The following FAM47E variants were observed in gnomAD, a reference collection of about 807,000 sequenced individuals.
FAM47E encodes protein FAM47E.
FAM47E carries 32 observed loss-of-function variants against 41.6 expected under a neutral mutation model. The observed-to-expected ratio is 0.77, with a 90% CI of 0.58 to 1.03. FAM47E has a LOEUF of 1.03. FAM47E is among the 50% of genes least tolerant of loss of function. FAM47E has a pLI of 0.00. For missense variants in FAM47E, 424 were observed against 485.4 expected (o/e 0.87, Z 1.19); for synonymous variants, 184 against 188.7 (o/e 0.98, Z 0.20).
At chr4:76,223,994 A>C (rs1733352063) in intron 2 of FAM47E, among the ~76,000 whole-genome samples, 1 of 152,212 alleles carries the variant, frequency 6.6e-6, no homozygotes, top group Admixed American at 6.5e-5. Context: ...GAATGTAATT[A>C]AAAATAAAAT....
upstream of FAM47E, among the ~76,000 whole-genome samples, chr4:76,250,772 A>G (rs76485048): frequency 0.059 from 9,038 of 152,288 alleles, 290 homozygotes; most frequent in Middle Eastern, 0.088. Flanking sequence ...AGCTTTCTCC[A>G]TTAACTAACT....
intron 2 of FAM47E, among the ~76,000 whole-genome samples, chr4:76,245,392 G>C (rs1170079788): frequency 6.6e-6 from 1 of 152,128 alleles, no homozygotes; most frequent in Non-Finnish European, 1.5e-5. Context: ...TTGGAACCAA[G>C]AGTTTGAGTC....
intron 2 of FAM47E, among the ~76,000 whole-genome samples, chr4:76,261,085 A>G (rs1413496998): frequency 6.6e-6 from 1 of 152,150 alleles, no homozygotes; most frequent in Non-Finnish European, 1.5e-5. Flanking sequence ...ATCAGTAATC[A>G]TCAGAGAAAA....
chr4:76,228,541 T>C (rs1158145830), intron 2 of FAM47E, among the ~76,000 whole-genome samples: 1 of 152,140 alleles, frequency 6.6e-6, no homozygotes, highest in African/African-American at 2.4e-5. Context: ...CTTGTAGTGC[T>C]GGCTTGTGGC....
chr4:76,278,224 G>C lies in FAM47E; in HGVS notation c.1026G>C (p.Gln342His), dbSNP rs1243997777. The C allele has an allele frequency of 6.5e-7, 1 of 1,533,362 alleles. No homozygotes were observed. Among genetic ancestry groups the C allele is most frequent in the Admixed American group, 2.2e-5 (1 of 46,054 alleles). The allele number at this position is 1,533,362 out of a possible 1,614,324, so 95.0% of individuals were successfully genotyped here. Residue 342 changes from glutamine (Q) to histidine (H), a missense_variant and splice_region_variant, in exon 6 of 8, where the codon CAG becomes CAC. By Grantham distance (24) the Gln-to-His change is conservative. Transcript: ENST00000424749. ...EENFKKELQEQEELLADLHGT... is the reference protein window; with the variant it reads ...EENFKKELQEHEELLADLHGT... Reference sequence around the variant, plus strand: ...ATTTTAAAAAGGAGCTGCAGGAACAGGTATGTATTTATACTGAGATTTGAT... The same window carrying C: ...ATTTTAAAAAGGAGCTGCAGGAACACGTATGTATTTATACTGAGATTTGAT...
intron 2 of FAM47E, among the ~76,000 whole-genome samples, chr4:76,232,939 T>C (rs1368528316): frequency 1.3e-5 from 2 of 152,242 alleles, no homozygotes; most frequent in Non-Finnish European, 2.9e-5. Flanking sequence ...TTAGTTAACA[T>C]GGTCACAGAG....
intron 7 of FAM47E, chr4:76,281,144 C>T (rs1473513657): frequency 6.6e-6 from 1 of 152,238 alleles, no homozygotes. Flanking sequence ...GTGCACGTAC[C>T]TTGGGGTCTT....
intron 2 of FAM47E, among the ~76,000 whole-genome samples, chr4:76,231,918 C>T (rs1227632198): frequency 6.6e-6 from 1 of 152,198 alleles, no homozygotes; most frequent in Non-Finnish European, 1.5e-5. Context: ...AGATTGACTC[C>T]TTAAAGGAAA....
chr4:76,262,912 C>T (rs1161467489), intron 2 of FAM47E, among the ~76,000 whole-genome samples: 1 of 152,056 alleles, frequency 6.6e-6, no homozygotes. Context: ...CAGGAGGGCA[C>T]CACCATGCCT....
At position 76,278,050 on chromosome 4, in the gene FAM47E, A is replaced by C; in HGVS notation, c.871-19A>C. 3 of 1,468,936 alleles carry C rather than the reference A, an allele frequency of 2.0e-6. No homozygotes were observed. Among genetic ancestry groups the C allele is most frequent in the Non-Finnish European group, 2.7e-6 (3 of 1,111,900 alleles). 91.0% of individuals were successfully genotyped at this position (1,468,936 alleles called of 1,614,324 possible). ...AAACAAAAAATCAATGGCACTGGGA[A>C]TTATGTTACTTTCCACAGAATCCTT... On this transcript the variant is annotated intron_variant, in intron 5 of 7. Transcript: ENST00000424749.
intron 3 of FAM47E, among the ~76,000 whole-genome samples, chr4:76,265,590 G>A (rs1734597680): frequency 7.3e-6 from 1 of 136,734 alleles, no homozygotes; most frequent in East Asian, 2.0e-4. Context: ...GATTTCCTGA[G>A]TGACAGGAAT....
chr4:76,215,811 C>A (rs1733196449), intron 1 of FAM47E, among the ~76,000 whole-genome samples: 1 of 152,132 alleles, frequency 6.6e-6, no homozygotes, highest in South Asian at 2.1e-4. Context: ...CCAGCTGTCC[C>A]TAGCCTTTTG....
chr4:76,280,389 T>C, intron 7 of FAM47E, 48 bp downstream of exon 7: 1 of 1,106,376 alleles, frequency 9.0e-7, no homozygotes, highest in Middle Eastern at 2.0e-4. Context: ...GCTTCATGGC[T>C]CACAGTTGTT....
At chr4:76,271,288 T>A (rs1184327923) in intron 4 of FAM47E, among the ~76,000 whole-genome samples, 1 of 152,204 alleles carries the variant, frequency 6.6e-6, no homozygotes, top group Non-Finnish European at 1.5e-5. Context: ...CTTCTAGAGA[T>A]GGCACCACTA....
chr4:76,249,099 G>A (rs1357304363), upstream of FAM47E, among the ~76,000 whole-genome samples: 3 of 152,170 alleles, frequency 2.0e-5, no homozygotes, highest in Admixed American at 6.5e-5. Context: ...ATGGTGGTAC[G>A]TGCCTGTAAT....
Position 76,254,344 on chromosome 4 carries a change from AT to A in FAM47E, c.75-1833del, listed in dbSNP as rs140477392. 4.6e-3 allele frequency among the ~76,000 whole-genome samples: 701 copies of A among 152,260 alleles called. 11 individuals carry two copies. The highest frequency in any genetic ancestry group is 0.016 in the African/African-American group (670 of 41,514). On this transcript the variant is annotated intron_variant, in intron 1 of 7. Transcript: ENST00000424749. ...TGAGTTAGTTGTAAATGTGCATATAATGAACTTTGTAAAGACATTTAATATG... is the reference window on the plus strand; with the variant it reads ...TGAGTTAGTTGTAAATGTGCATATAAGAACTTTGTAAAGACATTTAATATG...
At chr4:76,268,996 G>A (rs1049967739) in intron 4 of FAM47E, 2 of 511,324 alleles carry the variant, frequency 3.9e-6, no homozygotes, top group Admixed American at 4.0e-5. Context: ...TTGCAAACTT[G>A]CTGCTAATTT....
chr4:76,265,356 A>C (rs1222777822), intron 3 of FAM47E, among the ~76,000 whole-genome samples: 1 of 152,190 alleles, frequency 6.6e-6, no homozygotes, highest in Non-Finnish European at 1.5e-5. Flanking sequence ...TCTGAGTGTC[A>C]GTTAGCAAGT....
intron 1 of FAM47E, among the ~76,000 whole-genome samples, chr4:76,255,835 A>T (rs1734167065): frequency 6.6e-6 from 1 of 152,200 alleles, no homozygotes; most frequent in Admixed American, 6.5e-5. Flanking sequence ...GTGCATGCAC[A>T]CATAAGGATG....
Sources: gnomAD v4.1 joint callset for allele counts (sites outside exome capture counted in the v4.1 genomes callset) on GRCh38, gnomAD v4.1.1 for gene constraint, MANE v1.5 for transcripts, NCBI Gene and HGNC (gene_info 2026-07-23, HGNC 2026-07-21) for gene names.